Variants in SGCD observed in about 807,000 individuals in gnomAD.
SGCD encodes the protein sarcoglycan delta, also known as delta-sarcoglycan.
A neutral mutation model predicts 36.6 loss-of-function variants in SGCD; 18 were observed. That is an observed-to-expected ratio of 0.49 (90% CI 0.34 to 0.73). The LOEUF is 0.73. SGCD is among the 30% of genes least tolerant of loss of function. The pLI is 0.01. For synonymous variants in SGCD, 133 were observed against 130.6 expected (o/e 1.02, Z -0.12); for missense variants, 387 against 346.7 (o/e 1.12, Z -0.92).
the SGCD span, among the ~76,000 whole-genome samples, chr5:155,807,111 A>G: frequency 6.6e-6 from 1 of 152,210 alleles, no homozygotes; most frequent in Non-Finnish European, 1.5e-5. Context: ...TTAGATACCT[A>G]CAAGGACATT....
At chr5:156,618,336 G>A (rs1324177166) in intron 6 of SGCD, among the ~76,000 whole-genome samples, 1 of 152,126 alleles carries the variant, frequency 6.6e-6, no homozygotes, top group Non-Finnish European at 1.5e-5. Flanking sequence ...TGGTTGTCTA[G>A]TTCTTCTGTG....
intron 7 of SGCD, among the ~76,000 whole-genome samples, chr5:156,664,604 C>T (rs1764067705): frequency 2.2e-5 from 1 of 45,742 alleles, no homozygotes. Context: ...TGATCTGCAT[C>T]TATGTTAACT....
chr5:155,833,500 G>A, the SGCD span, among the ~76,000 whole-genome samples: 1 of 152,184 alleles, frequency 6.6e-6, no homozygotes, highest in South Asian at 2.1e-4. Context: ...AAGCTATGAG[G>A]GACCCCAACA....
At chr5:156,428,213 G>T (rs1279573118) in intron 3 of SGCD, among the ~76,000 whole-genome samples, 1 of 151,870 alleles carries the variant, frequency 6.6e-6, no homozygotes, top group South Asian at 2.1e-4. Flanking sequence ...TTTCAATCTT[G>T]CTGCTTGTTA....
At chr5:156,437,025 T>A (rs1013088403) in intron 3 of SGCD, among the ~76,000 whole-genome samples, 16 of 152,160 alleles carry the variant, frequency 1.1e-4, no homozygotes, top group African/African-American at 3.9e-4. Flanking sequence ...CCATATTTTT[T>A]TTTATTCCCA....
At chr5:155,741,186 G>A in the SGCD span, among the ~76,000 whole-genome samples, 5 of 152,210 alleles carry the variant, frequency 3.3e-5, no homozygotes, top group Non-Finnish European at 7.3e-5. Flanking sequence ...AATGTTTATA[G>A]TTAAGGGGGG....
intron 1 of SGCD, among the ~76,000 whole-genome samples, chr5:155,956,298 T>C (rs1412173240): frequency 6.6e-6 from 1 of 152,038 alleles, no homozygotes; most frequent in African/African-American, 2.4e-5. Flanking sequence ...AGCTGGCTTG[T>C]ACAAAACTAG....
chr5:156,643,023 T>G (rs1427519153), intron 6 of SGCD, among the ~76,000 whole-genome samples: 1 of 118,810 alleles, frequency 8.4e-6, no homozygotes, highest in Non-Finnish European at 1.6e-5. Flanking sequence ...GGGGGTTTTT[T>G]GTTTTTTTTT....
At chr5:155,771,842 A>G in the SGCD span, among the ~76,000 whole-genome samples, 35 of 152,240 alleles carry the variant, frequency 2.3e-4, no homozygotes, top group African/African-American at 7.2e-4. Flanking sequence ...ATGAGCCACC[A>G]AGCTCAGCCT....
intron 7 of SGCD, among the ~76,000 whole-genome samples, chr5:156,706,712 C>A (rs961311377): frequency 5.3e-5 from 8 of 152,250 alleles, no homozygotes; most frequent in South Asian, 2.1e-4. Flanking sequence ...CTCCTCCCTG[C>A]ACTGGGAATT....
intron 1 of SGCD, among the ~76,000 whole-genome samples, chr5:155,943,971 C>T (rs1045305426): frequency 1.3e-5 from 2 of 152,190 alleles, no homozygotes; most frequent in Non-Finnish European, 2.9e-5. Context: ...ATCTTTGAAC[C>T]TTCCACCTGT....
At chr5:155,938,937 A>G (rs1757269987) in intron 1 of SGCD, among the ~76,000 whole-genome samples, 1 of 152,218 alleles carries the variant, frequency 6.6e-6, no homozygotes, top group South Asian at 2.1e-4. Context: ...TTCCTTTATC[A>G]TCCTTGTCAT....
the SGCD span, among the ~76,000 whole-genome samples, chr5:155,748,254 C>T: frequency 4.6e-5 from 7 of 152,098 alleles, no homozygotes; most frequent in South Asian, 1.5e-3. Context: ...GGTCATGCCT[C>T]CTCCTAAATT....
chr5:156,564,273 C>G (rs1037977963), intron 4 of SGCD, among the ~76,000 whole-genome samples: 7 of 152,022 alleles, frequency 4.6e-5, no homozygotes, highest in Non-Finnish European at 8.8e-5. Flanking sequence ...CATGGTGAAA[C>G]CTCGTCTCTA....
intron 4 of SGCD, among the ~76,000 whole-genome samples, chr5:156,510,840 G>A (rs1756894757): frequency 6.6e-6 from 1 of 152,094 alleles, no homozygotes; most frequent in Non-Finnish European, 1.5e-5. Context: ...AGTTTCCTTG[G>A]TATAGAATTA....
intron 1 of SGCD, among the ~76,000 whole-genome samples, chr5:156,094,940 G>T (rs750291869): frequency 4.6e-5 from 7 of 152,136 alleles, no homozygotes; most frequent in South Asian, 4.1e-4. Flanking sequence ...GGTGGAGGTT[G>T]CAGTGAGCCA....
At chr5:156,564,378 A>T (rs1464869747) in intron 4 of SGCD, among the ~76,000 whole-genome samples, 1 of 152,168 alleles carries the variant, frequency 6.6e-6, no homozygotes, top group Non-Finnish European at 1.5e-5. Flanking sequence ...TGAACCCGGG[A>T]GGCGGAGCTT....
chr5:156,521,936 G>A (rs913238301), intron 4 of SGCD, among the ~76,000 whole-genome samples: 1 of 152,102 alleles, frequency 6.6e-6, no homozygotes, highest in Non-Finnish European at 1.5e-5. Flanking sequence ...CAAAGACATG[G>A]AATCAACCCA....
chr5:156,029,551 G>T (rs1256448143), intron 1 of SGCD, among the ~76,000 whole-genome samples: 2 of 152,168 alleles, frequency 1.3e-5, no homozygotes, highest in African/African-American at 4.8e-5. Flanking sequence ...AGTATCAGGA[G>T]AATGAAGTCC....
Sources: gnomAD v4.1 joint callset for allele counts (sites outside exome capture counted in the v4.1 genomes callset) on GRCh38, gnomAD v4.1.1 for gene constraint, MANE v1.5 for transcripts, NCBI Gene and HGNC (gene_info 2026-07-23, HGNC 2026-07-21) for gene names.